MED12L: variants seen among roughly 807,000 people sequenced by gnomAD.
MED12L encodes the protein mediator complex subunit 12L.
A neutral mutation model predicts 281.3 loss-of-function variants in MED12L; 60 were observed. The observed-to-expected ratio is 0.21, with a 90% confidence interval of 0.17 to 0.26. MED12L has a LOEUF of 0.26. MED12L is among the 10% of genes least tolerant of loss of function. The pLI is 1.00. For synonymous variants in MED12L, 974 were observed against 987.2 expected, an observed-to-expected ratio of 0.99 and a Z score of 0.25; for missense variants, 2,146 against 2,680.9, an observed-to-expected ratio of 0.80 and a Z score of 4.41.
intron 39 of MED12L, among the ~76,000 whole-genome samples, chr3:151,404,401 T>A (rs1577572774): frequency 6.6e-6 from 1 of 152,200 alleles, no homozygotes; most frequent in East Asian, 1.9e-4. Context: ...CAAGTCGTAT[T>A]TGAGGTGAAA....
intron 39 of MED12L, among the ~76,000 whole-genome samples, chr3:151,397,417 G>A (rs924861657): frequency 3.3e-5 from 5 of 152,110 alleles, no homozygotes; most frequent in African/African-American, 1.2e-4. Context: ...GTAGTACATC[G>A]AGCTAATGAG....
At chr3:151,333,096 A>C (rs146951851) in intron 16 of MED12L, among the ~76,000 whole-genome samples, 43 of 152,340 alleles carry the variant, frequency 2.8e-4, no homozygotes, top group Middle Eastern at 3.4e-3. Context: ...GTGTGGCTGC[A>C]TAGTATCTCA....
chr3:151,347,281 A>AT (rs1397408713), intron 16 of MED12L, among the ~76,000 whole-genome samples: 1 of 152,136 alleles, frequency 6.6e-6, no homozygotes, highest in African/African-American at 2.4e-5. Context: ...TTAGCTATAT[A>AT]TTTGTTCATT....
chr3:151,142,178 G>A (rs768399185), intron 5 of MED12L, among the ~76,000 whole-genome samples: 25 of 152,302 alleles, frequency 1.6e-4, no homozygotes, highest in Admixed American at 1.1e-3. Context: ...GACAAAGTTC[G>A]TGGAAAGTGG....
At chr3:151,105,320 G>A (rs932819011) in intron 2 of MED12L, among the ~76,000 whole-genome samples, 3 of 152,116 alleles carry the variant, frequency 2.0e-5, no homozygotes, top group African/African-American at 4.8e-5. Flanking sequence ...TAGACCCCAT[G>A]TTTGCATCTC....
At chr3:151,421,705 G>A (rs1054535704) in intron 43 of MED12L, among the ~76,000 whole-genome samples, 14 of 152,018 alleles carry the variant, frequency 9.2e-5, no homozygotes, top group Non-Finnish European at 1.8e-4. Context: ...CACCATGCCT[G>A]GCAAGAAAAT....
chr3:151,330,515 T>C (rs1022296092), intron 16 of MED12L, among the ~76,000 whole-genome samples: 2 of 152,156 alleles, frequency 1.3e-5, no homozygotes, highest in African/African-American at 4.8e-5. Context: ...ACTTGCCAGG[T>C]AGGCATAGGA....
intron 2 of MED12L, among the ~76,000 whole-genome samples, chr3:151,108,079 A>G (rs985486539): frequency 3.9e-5 from 6 of 152,164 alleles, no homozygotes; most frequent in African/African-American, 1.2e-4. Context: ...GGAAAAAGAG[A>G]AGAAAGCCTT....
rs756200072 is a variant in MED12L at position 151,394,665 on chromosome 3, G to T, written c.5618G>T (p.Arg1873Ile). ...TTGGTTGCTTTTGTAGGTGGCTCCAGATTGGACCCTGCAGGCTCCTTTGTC... is the reference window on the plus strand; with the variant it reads ...TTGGTTGCTTTTGTAGGTGGCTCCATATTGGACCCTGCAGGCTCCTTTGTC... The part of the protein sequence containing the change: ...QNQSLTPGGS[R>I]LDPAGSFVPT... The change falls in exon 39 of 45, where the codon AGA becomes ATA. Residue 1873 changes from arginine (R) to isoleucine (I), a missense_variant. Arg to Ile is a moderately conservative substitution (Grantham distance 97). Transcript: ENST00000687756. The T allele has an allele frequency of 2.5e-6, 4 of 1,614,148 alleles. No individual in the cohort carries two copies. In the South Asian group the frequency reaches 3.3e-5, roughly 13 times the overall value.
At chr3:151,182,675 A>G (rs1265057049) in intron 11 of MED12L, among the ~76,000 whole-genome samples, 1 of 152,164 alleles carries the variant, frequency 6.6e-6, no homozygotes, top group African/African-American at 2.4e-5. Context: ...GTGGCTGGGG[A>G]GAGAGAAGGA....
chr3:151,335,533 T>C (rs973763343), intron 16 of MED12L, among the ~76,000 whole-genome samples: 11 of 152,180 alleles, frequency 7.2e-5, no homozygotes, highest in African/African-American at 2.7e-4. Context: ...ACTGAGGCTA[T>C]GGGCAAGACT....
intron 4 of MED12L, 73 bp downstream of exon 4, chr3:151,123,047 A>T: frequency 2.3e-6 from 3 of 1,292,604 alleles, no homozygotes; most frequent in Non-Finnish European, 3.1e-6. Context: ...TCAAGTATAT[A>T]TTTGTTTTTC....
At chr3:151,251,021 T>C (rs988343533) in intron 16 of MED12L, among the ~76,000 whole-genome samples, 1 of 152,220 alleles carries the variant, frequency 6.6e-6, no homozygotes, top group African/African-American at 2.4e-5. Context: ...ATGATGATTC[T>C]CTCTGTGGTA....
intron 12 of MED12L, among the ~76,000 whole-genome samples, chr3:151,186,828 C>T (rs1212712522): frequency 6.6e-6 from 1 of 152,202 alleles, no homozygotes; most frequent in Non-Finnish European, 1.5e-5. Flanking sequence ...TACCTTCCCC[C>T]TCTAGAAGGT....
intron 2 of MED12L, among the ~76,000 whole-genome samples, chr3:151,095,994 G>A (rs979259150): frequency 2.0e-5 from 3 of 152,232 alleles, no homozygotes; most frequent in Non-Finnish European, 4.4e-5. Flanking sequence ...TTTGTTTCCT[G>A]TCTGATAAAA....
chr3:151,137,324 C>A (rs1481546850), intron 5 of MED12L, among the ~76,000 whole-genome samples: 1 of 152,142 alleles, frequency 6.6e-6, no homozygotes, highest in Non-Finnish European at 1.5e-5. Context: ...CTTCTAGCTC[C>A]TTGTAAACTT....
At chr3:151,348,796 C>T (rs186216161) in intron 16 of MED12L, among the ~76,000 whole-genome samples, 21 of 152,238 alleles carry the variant, frequency 1.4e-4, no homozygotes, top group Admixed American at 2.6e-4. Context: ...GAAAAACAGG[C>T]GCTTAGTTTA....
intron 39 of MED12L, among the ~76,000 whole-genome samples, chr3:151,404,877 C>T (rs1027969744): frequency 4.0e-5 from 6 of 151,850 alleles, no homozygotes; most frequent in African/African-American, 1.5e-4. Flanking sequence ...ATAACCAGTC[C>T]TACATGAAAA....
intron 16 of MED12L, among the ~76,000 whole-genome samples, chr3:151,225,762 C>T (rs567523035): frequency 6.6e-6 from 1 of 152,212 alleles, no homozygotes; most frequent in East Asian, 1.9e-4. Flanking sequence ...TATCTTTTTT[C>T]ATTACCCACA....
Sources: gnomAD v4.1 joint callset for allele counts (sites outside exome capture counted in the v4.1 genomes callset) on GRCh38, gnomAD v4.1.1 for gene constraint, MANE v1.5 for transcripts, NCBI Gene and HGNC (gene_info 2026-07-23, HGNC 2026-07-21) for gene names.